The following PSG7 variants were observed in gnomAD, a reference collection of about 807,000 sequenced individuals.
PSG7 encodes pregnancy-specific beta-1-glycoprotein 7.
Under a neutral mutation model 45.6 loss-of-function variants are expected in PSG7, and 57 were observed. That is an observed-to-expected ratio of 1.25 (90% confidence interval 1.01 to 1.56). The LOEUF (loss-of-function observed/expected upper bound fraction) is 1.56, where lower values mean the gene tolerates loss of function less well. PSG7 is among the 40% of genes most tolerant of loss of function. The probability of loss-of-function intolerance (pLI) is 0.00; values close to 1 mark genes in which losing one functional copy is unlikely to be tolerated. For missense variants in PSG7, 796 were observed against 508.4 expected, an observed-to-expected ratio of 1.57 and a Z score of -5.44; for synonymous variants, 298 against 194.4, an observed-to-expected ratio of 1.53 and a Z score of -4.43.
chr19:42,926,756 C>A (rs1407668822), intron 3 of PSG7, 40 bp from the exon 4 acceptor site: 1 of 1,602,968 alleles, frequency 6.2e-7, no homozygotes, highest in Non-Finnish European at 8.5e-7. Flanking sequence ...TGTGTGGCAC[C>A]TTTGATTCCT....
chr19:42,935,865 G>A, intron 1 of PSG7, 96 bp from the exon 2 acceptor site: 1 of 1,268,854 alleles, frequency 7.9e-7, no homozygotes, highest in Admixed American at 2.4e-5. Context: ...TCAATCCTCA[G>A]CCTTGAAGAC....
chr19:42,925,036 T>C (rs1972495184), intron 5 of PSG7: 1 of 594,496 alleles, frequency 1.7e-6, no homozygotes. Context: ...AGAGTAGCAA[T>C]GGACTATGTA....
chr19:42,926,802 A>G, intron 3 of PSG7, 86 bp from the exon 4 acceptor site: 1 of 1,563,872 alleles, frequency 6.4e-7, no homozygotes, highest in South Asian at 1.2e-5. Context: ...GGCATCTCCC[A>G]CCTGTCAACA....
At chr19:42,935,918 A>G (rs1973144083) in intron 1 of PSG7, 149 bp from the exon 2 acceptor site, 8 of 1,287,674 alleles carry the variant, frequency 6.2e-6, no homozygotes, top group Non-Finnish European at 8.4e-6. Flanking sequence ...ACACACAAAC[A>G]CACACACACA....
rs551096224 is a variant in PSG7 at position 42,937,185 on chromosome 19, C to T, written c.-109G>A. The stretch of plus-strand genomic sequence containing the variant: ...TCCTTCCTCCTTCTGCACTGAGCCT[C>T]TTCCCGGGGCAGGAGCACTTCTCAA... On this transcript the variant is annotated 5_prime_UTR_variant, in exon 1 of 6. Transcript: ENST00000406070. The T allele has an allele frequency of 1.8e-5, 26 of 1,463,606 alleles. No individual in the cohort carries two copies. The highest frequency in any genetic ancestry group is 8.0e-5 in the Admixed American group (4 of 50,212). 90.7% of individuals were successfully genotyped at this position (1,463,606 alleles called of 1,614,324 possible).
In PSG7 at chr19:42,935,538, T is replaced by C; in HGVS notation, c.296A>G (p.Glu99Gly). The C allele has an allele frequency of 6.2e-7, 1 of 1,612,180 alleles. No individual in the cohort carries two copies. The highest frequency in any genetic ancestry group is 2.2e-5 in the East Asian group (1 of 44,782). Residue 99 changes from glutamate (E) to glycine (G), a missense_variant, in exon 2 of 6, where the codon GAA (glutamate) becomes GGA (glycine). By Grantham distance (98) the Glu-to-Gly change is moderately conservative (BLOSUM62 -2). Transcript: ENST00000406070. ...CAGGGATGCATTGGAATATACTGTT[T>C]CTCGTCCACTGTATGCAGGCCCATA... ...IKYGPAYSGR[E>G]TVYSNASLLI... is the part of the protein sequence containing the mutation.
rs556119566 is a variant in PSG7 at position 42,925,287 on chromosome 19, C to G, written c.1244-463G>C. ...AGAGCAGGTTGTTACTCTGTTTGTG[C>G]AAATATCTGTATTACCATAAACATA... is the stretch of plus-strand genomic sequence containing the variant. On this transcript the variant is annotated intron_variant, in intron 5 of 5. Coordinates refer to ENST00000406070, the MANE Select transcript of PSG7 (RefSeq NM_002783.3). 402 of 308,576 alleles carry G rather than the reference C, an allele frequency of 1.3e-3. 7 individuals are homozygous for G. Among genetic ancestry groups the G allele is most frequent in the Admixed American group, 2.0e-3 (41 of 20,352 alleles). The allele number at this position is 308,576 out of a possible 1,614,324, so 19.1% of individuals were successfully genotyped here. A position where few individuals can be genotyped will look rare whatever the true frequency, so the allele number is the denominator to read the frequency against.
At chr19:42,929,251 G>A (rs1972962947) in intron 3 of PSG7, 191 bp downstream of exon 3, 1 of 1,326,946 alleles carries the variant, frequency 7.5e-7, no homozygotes, top group Admixed American at 2.4e-5. Context: ...GACAGGAGCA[G>A]CCTCTTTTCT....
chr19:42,933,307 A>ATATATATATTTTTTTTTTTT (rs56691588), intron 2 of PSG7, among the ~76,000 whole-genome samples: 1 of 13,506 alleles, frequency 7.4e-5, no homozygotes, highest in Admixed American at 1.6e-3. Flanking sequence ...ATATATATAT[A>ATATATATATTTTTTTTTTTT]TTTTTTTTTT....
rs1972964396 is a variant in PSG7 at position 42,929,348 on chromosome 19, C to T, written c.709+94G>A. The T allele has an allele frequency of 3.1e-6, 5 of 1,604,536 alleles. No homozygotes were observed. The Admixed American group carries it at 5.0e-5, about 16-fold the overall frequency. On this transcript the variant is annotated intron_variant, in intron 3 of 5. Transcript: ENST00000406070. ...TTTGATGTCCAGGGGTAAAGGTCTA[C>T]ATACTTGGACCTGAGAGGGACTGAG...
rs767277947 is a variant in PSG7 at position 42,925,802 on chromosome 19, C to A, written c.1214G>T (p.Ser405Ile). 4 of 1,612,058 alleles carry A rather than the reference C, an allele frequency of 2.5e-6. No individual in the cohort carries two copies. The highest frequency in any genetic ancestry group is 2.2e-5 in the South Asian group (2 of 90,626). ...GACTCTGACTGTCACGGATTTGGAGCTTTCCTTGCCAGTGGCTGAGTTACG... is the reference window on the plus strand; with the variant it reads ...GACTCTGACTGTCACGGATTTGGAGATTTCCTTGCCAGTGGCTGAGTTACG... ...SVRNSATGKESSKSVTVRVSD... is the reference protein window; with the variant it reads ...SVRNSATGKEISKSVTVRVSD... The change falls in exon 5 of 6, where the codon AGC becomes ATC. Residue 405 changes from serine to isoleucine, a missense_variant. By Grantham distance (142) the Ser-to-Ile change is moderately radical. Transcript: ENST00000406070.
intron 2 of PSG7, 74 bp downstream of exon 2, chr19:42,935,330 C>T: frequency 6.4e-7 from 1 of 1,557,756 alleles, no homozygotes; most frequent in Non-Finnish European, 8.8e-7. Flanking sequence ...CAGTCCAGGC[C>T]TGACAATTCT....
intron 2 of PSG7, among the ~76,000 whole-genome samples, chr19:42,930,934 G>T (rs1337325517): frequency 6.6e-6 from 1 of 151,388 alleles, no homozygotes; most frequent in East Asian, 1.9e-4. Context: ...TTTTATTTTG[G>T]AATATTTGCA....
At chr19:42,924,856 G>C (rs1344384993) in intron 5 of PSG7, 32 bp from the exon 6 acceptor site, 1 of 764,092 alleles carries the variant, frequency 1.3e-6, no homozygotes, top group Admixed American at 1.7e-5. Context: ...CAGAAACAAT[G>C]AACAGAGCTG....
chr19:42,933,761 T>G lies in PSG7; in HGVS notation c.430+1643A>C, dbSNP rs148857847. On this transcript the variant is annotated intron_variant, in intron 2 of 5. Transcript: ENST00000406070. ...CACCATGGCAGTGAGCAGTGAGGGC[T>G]ACACTGACTTCAGTGACCCCAGGGA... is the stretch of plus-strand genomic sequence containing the variant. Among the ~76,000 whole-genome samples the G allele has an allele frequency of 2.1e-3, 310 of 151,130 alleles. 10 individuals carry two copies. Among genetic ancestry groups the G allele is most frequent in the African/African-American group, 6.7e-3 (275 of 41,108 alleles).
chr19:42,925,008 G>C (rs1329445592), intron 5 of PSG7, 184 bp from the exon 6 acceptor site: 7 of 619,880 alleles, frequency 1.1e-5, no homozygotes, highest in Middle Eastern at 4.0e-4. Context: ...TGGTCTGATT[G>C]TTTACATAAG....
At chr19:42,926,311 G>A (rs112724259) in intron 4 of PSG7, 127 bp downstream of exon 4, 218,842 of 1,526,516 alleles carry the variant, frequency 0.14, 20,455 homozygotes, top group Admixed American at 0.2. Context: ...TGGCCAGCTC[G>A]GATGTCCAGA....
intron 3 of PSG7, among the ~76,000 whole-genome samples, chr19:42,928,828 A>G (rs1972951817): frequency 6.6e-6 from 1 of 151,502 alleles, no homozygotes; most frequent in African/African-American, 2.4e-5. Context: ...TTGTTCCACC[A>G]GTGGCTGAGT....
In PSG7 at chr19:42,926,583, C is replaced by A. The variant is rs186697915; in HGVS notation, c.843G>T (p.Pro281=). The change falls in exon 4 of 6, where the codon CCG becomes CCT. Residue 281 remains proline (P), a synonymous_variant. Transcript: ENST00000406070. ...YIWWLNGQSL[P]VSPRVKRRIE... is the part of the protein sequence containing the mutation. The stretch of plus-strand genomic sequence containing the variant: ...TGCGTCGCTTTACCCTGGGACTGAC[C>A]GGGAGGCTCTGACCATTTAGCCACC... 5.6e-6 allele frequency: 9 copies of A among 1,610,124 alleles called. No homozygotes were observed. The highest frequency in any genetic ancestry group is 3.3e-5 in the South Asian group (3 of 90,512).
Sources: gnomAD v4.1 joint callset for allele counts (sites outside exome capture counted in the v4.1 genomes callset) on GRCh38, gnomAD v4.1.1 for gene constraint, MANE v1.5 for transcripts, NCBI Gene and HGNC (gene_info 2026-07-23, HGNC 2026-07-21) for gene names.